The following PCDHA12 variants were observed in gnomAD, a reference collection of about 807,000 sequenced individuals.
PCDHA12 encodes the protein protocadherin alpha-12.
A neutral mutation model predicts 60.0 loss-of-function variants in PCDHA12; 44 were observed. The ratio of observed to expected loss-of-function variants is 0.73; its 90% confidence interval spans 0.58 to 0.94. The LOEUF (loss-of-function observed/expected upper bound fraction) is 0.94, where lower values mean the gene tolerates loss of function less well. PCDHA12 is among the 40% of genes least tolerant of loss of function. PCDHA12 has a pLI of 0.00. For missense variants in PCDHA12, 1,276 were observed against 1,239.7 expected, an observed-to-expected ratio of 1.03 and a Z score of -0.44; for synonymous variants, 569 against 553.0, an observed-to-expected ratio of 1.03 and a Z score of -0.40.
rs370989006 is a variant in PCDHA12, at chr5:141,009,739, C to G, written c.2628C>G (p.Pro876=). The G allele has an allele frequency of 1.2e-6, 2 of 1,614,010 alleles. No homozygotes were observed. Among genetic ancestry groups the G allele is most frequent in the Non-Finnish European group, 8.5e-7 (1 of 1,180,008 alleles). The change falls in exon 4 of 4, where the codon CCC becomes CCG. Residue 876 remains proline (P), a synonymous_variant. Transcript: ENST00000398631. ...AACAATCCGGTCCCGGTGAGTTGCCCGACAAATTCATTATCCCAGGATCTC... is the reference window on the plus strand; with the variant it reads ...AACAATCCGGTCCCGGTGAGTTGCCGGACAAATTCATTATCCCAGGATCTC... The part of the protein sequence containing the change: ...NPKQSGPGEL[P]DKFIIPGSPA...
At chr5:140,898,100 G>C (rs1273803096) in intron 1 of PCDHA12, among the ~76,000 whole-genome samples, 2 of 152,132 alleles carry the variant, frequency 1.3e-5, no homozygotes, top group African/African-American at 4.8e-5. Flanking sequence ...CCCTTTGTCA[G>C]ATGAGTAGGT....
intron 1 of PCDHA12, chr5:140,967,728 G>T: frequency 6.2e-7 from 1 of 1,614,176 alleles, no homozygotes; most frequent in East Asian, 2.2e-5. Context: ...CGAGTAATTG[G>T]GGGGCTGGAT....
In PCDHA12 at chr5:140,875,568, C is replaced by G; in HGVS notation, c.96C>G (p.His32Gln). ...GGGAGGTGGGGAGCGGCCAGCTCCA[C>G]TACTCCGTCTACGAGGAGGCCAAAC... ...AAWEVGSGQL[H>Q]YSVYEEAKHG... The change falls in exon 1 of 4, where the codon CAC becomes CAG. Residue 32 changes from histidine to glutamine, a missense_variant. His to Gln is a conservative substitution (Grantham distance 24). Transcript: ENST00000398631. 2 of 1,614,114 alleles carry G rather than the reference C, an allele frequency of 1.2e-6. No homozygotes were observed. The highest frequency in any genetic ancestry group is 1.7e-6 in the Non-Finnish European group (2 of 1,180,052).
chr5:140,884,168 A>G (rs1562800814), intron 1 of PCDHA12: 1 of 1,613,300 alleles, frequency 6.2e-7, no homozygotes, highest in South Asian at 1.1e-5. Context: ...GATCAGCACG[A>G]CGCGCCCTCT....
intron 3 of PCDHA12, among the ~76,000 whole-genome samples, chr5:141,000,501 C>G (rs1252221313): frequency 2.1e-5 from 3 of 139,584 alleles, no homozygotes; most frequent in Admixed American, 7.5e-5. Flanking sequence ...GATCTCGGCT[C>G]ACTGCAACCT....
chr5:140,882,737 G>C lies in PCDHA12; in HGVS notation c.2367+4898G>C, dbSNP rs1375859660. The C allele has an allele frequency of 3.7e-6, 6 of 1,614,090 alleles. No homozygotes were observed. In the East Asian group the frequency reaches 1.1e-4, roughly 30 times the overall value. ...GGAAACTCGATTTCCACTAGATGGC[G>C]CATCCGATGCAGATATTGGAGTAAA... On this transcript the variant is annotated intron_variant, in intron 1 of 3. Transcript: ENST00000398631.
chr5:140,983,207 T>A (rs999147697), intron 3 of PCDHA12, among the ~76,000 whole-genome samples: 1 of 152,236 alleles, frequency 6.6e-6, no homozygotes, highest in Non-Finnish European at 1.5e-5. Flanking sequence ...TAATAGGGAC[T>A]ATTTCCTAAT....
chr5:140,967,471 A>G (rs2096144842), intron 1 of PCDHA12: 3 of 1,613,466 alleles, frequency 1.9e-6, no homozygotes, highest in Middle Eastern at 1.7e-4. Context: ...GGGGCATCCC[A>G]GCCCGCTCGG....
At chr5:140,942,109 A>G (rs534603504) in intron 1 of PCDHA12, among the ~76,000 whole-genome samples, 55 of 152,334 alleles carry the variant, frequency 3.6e-4, no homozygotes, top group African/African-American at 1.3e-3. Flanking sequence ...CATATAATCA[A>G]ACTTTATTAA....
chr5:141,002,497 CT>C (rs1310638544), intron 3 of PCDHA12, among the ~76,000 whole-genome samples: 1 of 152,204 alleles, frequency 6.6e-6, no homozygotes, highest in Non-Finnish European at 1.5e-5. Flanking sequence ...TGTTATACAG[CT>C]CAGGATCTGA....
intron 1 of PCDHA12, among the ~76,000 whole-genome samples, chr5:140,956,062 T>G (rs2153708941): frequency 6.6e-6 from 1 of 152,228 alleles, no homozygotes; most frequent in South Asian, 2.1e-4. Flanking sequence ...GACAATGGGG[T>G]TTTCCAGATA....
At position 140,883,606 on chromosome 5, in the gene PCDHA12, C is replaced by G; in HGVS notation, c.2367+5767C>G. 3 of 1,613,944 alleles carry G rather than the reference C, an allele frequency of 1.9e-6. No homozygotes were observed. In the African/African-American group the frequency reaches 4.0e-5, roughly 22 times the overall value. On this transcript the variant is annotated intron_variant, in intron 1 of 3. Coordinates refer to ENST00000398631, the MANE Select transcript of PCDHA12 (RefSeq NM_018903.4). ...CGGCCAGCGTGTCGGTGGGGGTGGC[C>G]GACGTGAACGACAACGCGCCGGCGT...
In PCDHA12 at chr5:141,010,257, G is replaced by T; in HGVS notation, c.*320G>T. On this transcript the variant is annotated 3_prime_UTR_variant, in exon 4 of 4. Coordinates refer to ENST00000398631, the MANE Select transcript of PCDHA12 (RefSeq NM_018903.4). ...AGTGAGAGGTTGGACTCTCTGCCCT[G>T]TGCTCCGGGGATCCTGTCTTGATGA... 6.4e-7 allele frequency: 1 copy of T among 1,551,794 alleles called. No homozygotes were observed. The highest frequency in any genetic ancestry group is 8.7e-7 in the Non-Finnish European group (1 of 1,147,016).
intron 1 of PCDHA12, among the ~76,000 whole-genome samples, chr5:140,913,400 C>T (rs2076319870): frequency 6.6e-6 from 1 of 152,108 alleles, no homozygotes; most frequent in South Asian, 2.1e-4. Context: ...CACTAATGAT[C>T]CTTTGAATTC....
At chr5:140,995,629 T>C (rs1333793289) in intron 3 of PCDHA12, among the ~76,000 whole-genome samples, 1 of 152,164 alleles carries the variant, frequency 6.6e-6, no homozygotes, top group Admixed American at 6.5e-5. Context: ...TTGGAAACTT[T>C]GGAGTGTTTA....
chr5:140,966,515 G>A, intron 1 of PCDHA12: 1 of 436,996 alleles, frequency 2.3e-6, no homozygotes, highest in East Asian at 3.5e-5. Context: ...AGCAGCAGCA[G>A]GAAGCCGAGC....
rs782046977 is a variant in PCDHA12 at position 140,968,811 on chromosome 5, A to T, written c.2368-10138A>T. The T allele has an allele frequency of 5.0e-6, 8 of 1,614,086 alleles. No homozygotes were observed. The African/African-American group carries it at 6.7e-5, about 13-fold the overall frequency. The stretch of plus-strand genomic sequence containing the variant: ...GTGGCCATTACAGTAGCTGTGGTGG[A>T]TAGGGTTTCCAAAATCCTCCCTGAC... On this transcript the variant is annotated intron_variant, in intron 1 of 3. Coordinates refer to ENST00000398631, the MANE Select transcript of PCDHA12 (RefSeq NM_018903.4).
chr5:140,883,925 G>T (rs1554180613), intron 1 of PCDHA12: 2 of 1,613,466 alleles, frequency 1.2e-6, no homozygotes, highest in Non-Finnish European at 1.7e-6. Context: ...GACGCTGCAG[G>T]TGTTCGTGCT....
rs3776115 is a variant in PCDHA12 at position 140,970,956 on chromosome 5, G to A, written c.2368-7993G>A. Among the ~76,000 whole-genome samples, 119 of 152,278 alleles carry A rather than the reference G, an allele frequency of 7.8e-4. 3 individuals carry two copies. In the East Asian group the frequency reaches 0.019, roughly 25 times the overall value. On this transcript the variant is annotated intron_variant, in intron 1 of 3. Coordinates refer to ENST00000398631, the MANE Select transcript of PCDHA12 (RefSeq NM_018903.4). The stretch of plus-strand genomic sequence containing the variant: ...TAGTCAATGCTGAGAAACCATGGGA[G>A]GCAGATTGTAGATTAAGAAAAATGG...
Sources: allele counts gnomAD v4.1 joint callset (sites outside exome capture counted in the v4.1 genomes callset), GRCh38; gene constraint gnomAD v4.1.1; transcripts MANE v1.5; gene names NCBI Gene and HGNC (gene_info 2026-07-23, HGNC 2026-07-21).